The following SAMD7 variants were observed in gnomAD, a reference collection of about 807,000 sequenced individuals.
The protein encoded by SAMD7 is sterile alpha motif domain-containing protein 7.
SAMD7 carries 34 observed loss-of-function variants against 36.7 expected under a neutral mutation model. That is an observed-to-expected ratio of 0.93 (90% CI 0.71 to 1.23). The LOEUF (loss-of-function observed/expected upper bound fraction) is 1.23, where lower values mean the gene tolerates loss of function less well. Among genes scored for constraint, SAMD7 ranks in the 50% most tolerant of loss-of-function variants. SAMD7 has a pLI of 0.00. For synonymous variants in SAMD7, 188 were observed against 189.7 expected (o/e 0.99, Z 0.07); for missense variants, 570 against 546.6 (o/e 1.04, Z -0.43).
chr3:169,932,432 T>C (rs930835418), intron 7 of SAMD7: 1 of 616,514 alleles, frequency 1.6e-6, no homozygotes, highest in Non-Finnish European at 3.2e-6. Flanking sequence ...CCGGTTATGA[T>C]AGACACAATG....
chr3:169,913,145 T>C (rs1712670406), intron 1 of SAMD7, among the ~76,000 whole-genome samples: 1 of 152,204 alleles, frequency 6.6e-6, no homozygotes, highest in Non-Finnish European at 1.5e-5. Context: ...AACATTTAAT[T>C]CTACTGATCT....
At chr3:169,937,745 A>T (rs893409235) in intron 8 of SAMD7, among the ~76,000 whole-genome samples, 3 of 152,188 alleles carry the variant, frequency 2.0e-5, no homozygotes, top group African/African-American at 7.2e-5. Context: ...TTGTAATAGA[A>T]TGATTTATAT....
chr3:169,925,057 G>A lies in SAMD7; in HGVS notation c.212-1G>A. On this transcript the variant is annotated splice_acceptor_variant, in intron 4 of 8. Coordinates refer to ENST00000335556, the MANE Select transcript of SAMD7 (RefSeq NM_001304366.2). LOFTEE classifies it high-confidence loss of function. ...GTGGGATGGTGGTTTTCTTTTTTAA[G>A]GTTGGGGCATTTTACCACCTGAATC... is the stretch of plus-strand genomic sequence containing the variant. The A allele has an allele frequency of 6.3e-7, 1 of 1,599,826 alleles. No individual in the cohort carries two copies. The highest frequency in any genetic ancestry group is 8.5e-7 in the Non-Finnish European group (1 of 1,172,298).
At chr3:169,923,457 C>T (rs1207359703) in intron 4 of SAMD7, among the ~76,000 whole-genome samples, 1 of 152,154 alleles carries the variant, frequency 6.6e-6, no homozygotes, top group East Asian at 1.9e-4. Flanking sequence ...AACAGCTGCA[C>T]TGCAGGCCAG....
chr3:169,921,478 C>A, intron 4 of SAMD7, 140 bp downstream of exon 4: 1 of 775,104 alleles, frequency 1.3e-6, no homozygotes, highest in Non-Finnish European at 2.1e-6. Flanking sequence ...GTAGTCACCA[C>A]CTAGGTTCAG....
rs1366853804 is a variant in SAMD7, at chr3:169,919,569, C to T, written c.71C>T (p.Pro24Leu). 6.2e-7 allele frequency: 1 copy of T among 1,612,928 alleles called. No individual in the cohort carries two copies. Among genetic ancestry groups the T allele is most frequent in the Non-Finnish European group, 8.5e-7 (1 of 1,178,882 alleles). Residue 24 changes from proline to leucine, a missense_variant, in exon 3 of 9, where the codon CCT becomes CTT. Physicochemically the swap from Pro to Leu is moderately conservative, Grantham distance 98. Transcript: ENST00000335556. ...CCACTGATCCCCTCACCATTTGGGC[C>T]TCCAACTGTGGACAGGTATTTCTCT... Reference protein sequence around the residue: ...TIPLIPSPFGPPTVDRDVLPS... With the variant: ...TIPLIPSPFGLPTVDRDVLPS...
At position 169,932,305 on chromosome 3, in the gene SAMD7, G is replaced by A. The variant is rs145131935; in HGVS notation, c.1041+3727G>A. 183 of 746,226 alleles carry A rather than the reference G, an allele frequency of 2.5e-4. 1 individual carries two copies. The East Asian group carries it at 5.5e-3, about 22-fold the overall frequency. The allele number at this position is 746,226 out of a possible 1,614,324, so 46.2% of individuals were successfully genotyped here. A position where few individuals can be genotyped will look rare whatever the true frequency, so the allele number is the denominator to read the frequency against. ...GGCCACCAAGCAAATTATTAAAGCT[G>A]ATGTGGGTTATAAAGGGACACAGCT... On this transcript the variant is annotated intron_variant, in intron 7 of 8. Transcript: ENST00000335556.
intron 7 of SAMD7, among the ~76,000 whole-genome samples, chr3:169,933,899 T>C (rs1713615376): frequency 6.6e-6 from 1 of 152,122 alleles, no homozygotes; most frequent in African/African-American, 2.4e-5. Flanking sequence ...CTTGGCCTCC[T>C]AAAGGAAGAG....
intron 7 of SAMD7, among the ~76,000 whole-genome samples, chr3:169,933,584 A>T (rs1163710918): frequency 6.6e-6 from 1 of 152,216 alleles, no homozygotes; most frequent in Non-Finnish European, 1.5e-5. Flanking sequence ...TTTTGAGTGG[A>T]ACATTTCAGT....
At chr3:169,936,219 T>C in intron 7 of SAMD7, 120 bp from the exon 8 acceptor site, 1 of 615,062 alleles carries the variant, frequency 1.6e-6, no homozygotes, top group Non-Finnish European at 2.9e-6. Context: ...GTTTTACAAA[T>C]TTTTTTGTCA....
chr3:169,928,075 A>G (rs932473494), intron 6 of SAMD7, among the ~76,000 whole-genome samples: 7 of 152,236 alleles, frequency 4.6e-5, no homozygotes, highest in African/African-American at 1.2e-4. Context: ...GTTTCCCTAC[A>G]AAGTGTTAAT....
chr3:169,929,781 C>G (rs1713416244), intron 7 of SAMD7, among the ~76,000 whole-genome samples: 1 of 152,214 alleles, frequency 6.6e-6, no homozygotes, highest in South Asian at 2.1e-4. Flanking sequence ...GGCCAAGCCT[C>G]AAGTTACTTA....
rs764240406 is a variant in SAMD7 at position 169,938,369 on chromosome 3, A to G, written c.1204A>G (p.Ile402Val). 6 of 1,612,944 alleles carry G rather than the reference A, an allele frequency of 3.7e-6. No homozygotes were observed. Among genetic ancestry groups the G allele is most frequent in the Non-Finnish European group, 5.1e-6 (6 of 1,178,906 alleles). The part of the protein sequence containing the change: ...MFYKKTLSFP[I>V]RQAFDQPADT... ...CTACAAGAAAACTCTTTCATTTCCT[A>G]TAAGACAAGCATTTGATCAACCAGC... Residue 402 changes from isoleucine to valine, a missense_variant, in exon 9 of 9, where the codon ATA becomes GTA. Ile to Val is a conservative substitution (Grantham distance 29). Coordinates refer to ENST00000335556, the MANE Select transcript of SAMD7 (RefSeq NM_001304366.2).
chr3:169,923,706 C>T (rs1024192863), intron 4 of SAMD7, among the ~76,000 whole-genome samples: 2 of 152,208 alleles, frequency 1.3e-5, no homozygotes, highest in Non-Finnish European at 2.9e-5. Flanking sequence ...CATGCCATTA[C>T]ACTCCAGCCT....
rs779843525 is a variant in SAMD7, at chr3:169,926,970, G to A, written c.708G>A (p.Lys236=). The A allele has an allele frequency of 3.7e-6, 6 of 1,613,916 alleles. No homozygotes were observed. In the South Asian group the frequency reaches 5.5e-5, roughly 15 times the overall value. Residue 236 remains lysine, a synonymous_variant, in exon 6 of 9, where the codon AAG becomes AAA. Transcript: ENST00000335556. Reference sequence around the variant, plus strand: ...ACATTGAAGCACCCAGCAACCAGAAGTCAAGTGAAACGAATGAAAAGCCAA... The same window carrying A: ...ACATTGAAGCACCCAGCAACCAGAAATCAAGTGAAACGAATGAAAAGCCAA... ...DPDIEAPSNQ[K]SSETNEKPTT... is the part of the protein sequence containing the mutation.
chr3:169,925,969 G>T (rs1290671), intron 5 of SAMD7, among the ~76,000 whole-genome samples: 49,068 of 151,906 alleles, frequency 0.32, 8,250 homozygotes, highest in African/African-American at 0.42. Flanking sequence ...TTCAGCTATA[G>T]TACCCAGGAG....
At chr3:169,926,333 T>C in intron 5 of SAMD7, 1 of 1,344,132 alleles carries the variant, frequency 7.4e-7, no homozygotes. Context: ...AAGGTAACAC[T>C]CTAAAGACTG....
At chr3:169,929,276 A>T (rs1280810603) in intron 7 of SAMD7, among the ~76,000 whole-genome samples, 1 of 152,128 alleles carries the variant, frequency 6.6e-6, no homozygotes, top group African/African-American at 2.4e-5. Context: ...TTTTTGAGTT[A>T]TTTAATAATA....
intron 2 of SAMD7, among the ~76,000 whole-genome samples, chr3:169,917,999 G>A (rs572996106): frequency 4.0e-5 from 6 of 151,628 alleles, no homozygotes; most frequent in Non-Finnish European, 5.9e-5. Flanking sequence ...GTGCAGTGGC[G>A]CCATCTCAGC....
Sources: allele counts gnomAD v4.1 joint callset (sites outside exome capture counted in the v4.1 genomes callset), GRCh38; gene constraint gnomAD v4.1.1; transcripts MANE v1.5; gene names NCBI Gene and HGNC (gene_info 2026-07-23, HGNC 2026-07-21).